CD47: variants seen among roughly 807,000 people sequenced by gnomAD.
The protein encoded by CD47 is leukocyte surface antigen CD47.
Under a neutral mutation model 44.6 loss-of-function variants are expected in CD47, and 11 were observed. The ratio of observed to expected loss-of-function variants is 0.25; its 90% CI spans 0.16 to 0.41. CD47 has a LOEUF of 0.41. Among genes scored for constraint, CD47 ranks in the 10% least tolerant of loss-of-function variants. The pLI, the probability that CD47 is intolerant of heterozygous loss-of-function variation, is 1.00. For missense variants in CD47, 306 were observed against 386.7 expected (o/e 0.79, Z 1.75); for synonymous variants, 140 against 136.3 (o/e 1.03, Z -0.19).
chr3:108,089,340 T>C (rs1461727311), intron 1 of CD47, among the ~76,000 whole-genome samples: 1 of 152,220 alleles, frequency 6.6e-6, no homozygotes, highest in African/African-American at 2.4e-5. Flanking sequence ...TAACTATTAC[T>C]AAAGAAGGCC....
At chr3:108,070,273 C>T (rs1299489758) in intron 3 of CD47, among the ~76,000 whole-genome samples, 1 of 152,066 alleles carries the variant, frequency 6.6e-6, no homozygotes, top group Non-Finnish European at 1.5e-5. Flanking sequence ...TTATTCCTTG[C>T]TTATATAAAT....
At chr3:108,087,558 A>G (rs1294206698) in intron 1 of CD47, among the ~76,000 whole-genome samples, 1 of 152,198 alleles carries the variant, frequency 6.6e-6, no homozygotes, top group African/African-American at 2.4e-5. Flanking sequence ...ATTTGTCTAT[A>G]TGCCAAAGAG....
chr3:108,057,862 A>G (rs1366282966), intron 6 of CD47, among the ~76,000 whole-genome samples: 1 of 152,228 alleles, frequency 6.6e-6, no homozygotes, highest in Non-Finnish European at 1.5e-5. Context: ...ATACAGGCAT[A>G]TCAGTTTGGG....
chr3:108,057,592 G>A (rs971364022), intron 6 of CD47, 23 bp from the exon 7 acceptor site: 6 of 1,139,696 alleles, frequency 5.3e-6, no homozygotes, highest in Admixed American at 1.8e-5. Context: ...ATAAAATTCT[G>A]TATTAGAAAA....
intron 3 of CD47, among the ~76,000 whole-genome samples, chr3:108,062,769 G>A (rs1446697046): frequency 6.6e-6 from 1 of 150,396 alleles, no homozygotes; most frequent in East Asian, 1.9e-4. Context: ...AGCCTCCCGA[G>A]TAGCTGGGAC....
At chr3:108,086,706 C>G (rs326346) in intron 1 of CD47, among the ~76,000 whole-genome samples, 49,576 of 151,982 alleles carry the variant, frequency 0.33, 9,118 homozygotes, top group Non-Finnish European at 0.42. Context: ...CAGGCAGGAA[C>G]AAGGGCAAGG....
intron 3 of CD47, among the ~76,000 whole-genome samples, chr3:108,066,656 G>C (rs2108246137): frequency 6.6e-6 from 1 of 152,276 alleles, no homozygotes; most frequent in South Asian, 2.1e-4. Context: ...ATCAAAAGAG[G>C]AAACTAGGCA....
At chr3:108,064,334 G>T (rs755032406) in intron 3 of CD47, among the ~76,000 whole-genome samples, 1 of 152,140 alleles carries the variant, frequency 6.6e-6, no homozygotes, top group Non-Finnish European at 1.5e-5. Context: ...TAAAGAGATG[G>T]TGAAGGCCTA....
chr3:108,057,668 C>CA, intron 6 of CD47, 99 bp from the exon 7 acceptor site: 2 of 596,650 alleles, frequency 3.4e-6, no homozygotes, highest in East Asian at 3.0e-5. Flanking sequence ...TTCTAACGAT[C>CA]AAAAAACAAA....
chr3:108,086,279 G>A (rs2079519572), intron 1 of CD47, among the ~76,000 whole-genome samples: 1 of 151,946 alleles, frequency 6.6e-6, no homozygotes, highest in Non-Finnish European at 1.5e-5. Context: ...TGACAGCAGT[G>A]TAAAGGAAGG....
intron 1 of CD47, 109 bp downstream of exon 1, chr3:108,090,754 G>T: frequency 2.0e-6 from 2 of 1,017,180 alleles, no homozygotes; most frequent in Non-Finnish European, 2.6e-6. Flanking sequence ...AGTGTTCTGC[G>T]CCCCGGCCAC....
intron 10 of CD47, among the ~76,000 whole-genome samples, chr3:108,048,076 G>A (rs918860045): frequency 6.6e-6 from 1 of 151,686 alleles, no homozygotes; most frequent in Non-Finnish European, 1.5e-5. Flanking sequence ...AAAAAAAATA[G>A]GACATCAGAA....
chr3:108,057,378 C>T (rs1346032021), intron 7 of CD47, 99 bp downstream of exon 7: 1 of 620,402 alleles, frequency 1.6e-6, no homozygotes, highest in African/African-American at 1.9e-5. Context: ...TGTATTTTCT[C>T]ATTTTTGGTC....
chr3:108,061,844 G>A (rs1268785402), intron 3 of CD47, among the ~76,000 whole-genome samples: 1 of 152,156 alleles, frequency 6.6e-6, no homozygotes, highest in Non-Finnish European at 1.5e-5. Context: ...ATTGGTGGCT[G>A]TCATGAAGGG....
chr3:108,087,501 A>C (rs1393602161), intron 1 of CD47, among the ~76,000 whole-genome samples: 1 of 152,198 alleles, frequency 6.6e-6, no homozygotes, highest in Non-Finnish European at 1.5e-5. Flanking sequence ...TACTGTCTAT[A>C]TACTACATCT....
At chr3:108,064,351 T>C (rs2079068789) in intron 3 of CD47, among the ~76,000 whole-genome samples, 1 of 152,282 alleles carries the variant, frequency 6.6e-6, no homozygotes, top group South Asian at 2.1e-4. Flanking sequence ...CCTACTCTAC[T>C]CTAAGAAAAT....
intron 3 of CD47, 101 bp from the exon 4 acceptor site, chr3:108,060,953 G>C (rs1388895231): frequency 2.8e-6 from 2 of 718,396 alleles, no homozygotes; most frequent in African/African-American, 3.6e-5. Flanking sequence ...GTACTATAAT[G>C]TAATAACTTA....
intron 5 of CD47, among the ~76,000 whole-genome samples, chr3:108,058,929 A>C (rs2078964349): frequency 6.6e-6 from 1 of 152,208 alleles, no homozygotes; most frequent in Non-Finnish European, 1.5e-5. Flanking sequence ...TAATAACTAA[A>C]TATGGTAGTG....
intron 1 of CD47, among the ~76,000 whole-genome samples, chr3:108,090,042 C>A (rs950907228): frequency 6.6e-6 from 1 of 152,062 alleles, no homozygotes; most frequent in Non-Finnish European, 1.5e-5. Context: ...TCGAAAAACA[C>A]CAAATCCCAT....
Sources: allele counts gnomAD v4.1 joint callset (sites outside exome capture counted in the v4.1 genomes callset), GRCh38; gene constraint gnomAD v4.1.1; transcripts MANE v1.5; gene names NCBI Gene and HGNC (gene_info 2026-07-23, HGNC 2026-07-21).